The following COL24A1 variants were observed in gnomAD, a reference collection of about 807,000 sequenced individuals.
COL24A1 encodes the protein collagen alpha-1(XXIV) chain.
Under a neutral mutation model 253.9 loss-of-function variants are expected in COL24A1, and 224 were observed. The ratio of observed to expected loss-of-function variants is 0.88; its 90% confidence interval spans 0.79 to 0.99. The LOEUF is 0.99. Ranked by LOEUF, COL24A1 falls within the 50% of genes least tolerant of loss-of-function variation. The pLI, the probability that COL24A1 is intolerant of heterozygous loss-of-function variation, is 0.00. For missense variants in COL24A1, 2,131 were observed against 2,068.5 expected (o/e 1.03, Z -0.59); for synonymous variants, 685 against 673.7 (o/e 1.02, Z -0.26).
At chr1:86,101,303 T>C (rs1028339344) in intron 5 of COL24A1, among the ~76,000 whole-genome samples, 1 of 152,216 alleles carries the variant, frequency 6.6e-6, no homozygotes, top group Non-Finnish European at 1.5e-5. Flanking sequence ...TATGGGGTTT[T>C]CTAGGTATAG....
Position 86,108,480 on chromosome 1 carries a change from CTTA to C in COL24A1, c.1599+4084_1599+4086del, listed in dbSNP as rs1705206386. Among the ~76,000 whole-genome samples, 5 of 151,808 alleles carry C rather than the reference CTTA, an allele frequency of 3.3e-5. No homozygotes were observed. In the South Asian group the frequency reaches 1.0e-3, roughly 32 times the overall value. ...CTTCTATTCTGAAACAGCAACAGAGCTTATTAAGAAAGGACTCTCGGGCTGGTC... is the reference window on the plus strand; with the variant it reads ...CTTCTATTCTGAAACAGCAACAGAGCTTAAGAAAGGACTCTCGGGCTGGTC... On this transcript the variant is annotated intron_variant, in intron 5 of 59. Coordinates refer to ENST00000370571, the MANE Select transcript of COL24A1 (RefSeq NM_152890.7).
At chr1:85,955,848 C>T (rs1690406571) in intron 24 of COL24A1, among the ~76,000 whole-genome samples, 1 of 152,220 alleles carries the variant, frequency 6.6e-6, no homozygotes, top group Admixed American at 6.5e-5. Flanking sequence ...AAAGTCTTTC[C>T]TATTTCTATC....
chr1:85,896,127 GC>G, intron 29 of COL24A1, 62 bp from the exon 30 acceptor site: 1 of 1,479,496 alleles, frequency 6.8e-7, no homozygotes, highest in Non-Finnish European at 9.3e-7. Context: ...TACTATGCTA[GC>G]ATATGCTAGC....
intron 20 of COL24A1, among the ~76,000 whole-genome samples, chr1:85,977,149 AG>A (rs1006884992): frequency 2.6e-5 from 4 of 152,348 alleles, no homozygotes; most frequent in Admixed American, 2.0e-4. Context: ...GCTCTCAGGA[AG>A]CCCCATTCCT....
intron 50 of COL24A1, 30 bp downstream of exon 50, chr1:85,784,083 A>G (rs749275547): frequency 1.9e-6 from 3 of 1,555,180 alleles, no homozygotes; most frequent in Non-Finnish European, 2.6e-6. Context: ...CTAGATAGCT[A>G]GAAGACTAGA....
chr1:85,784,318 GAC>G lies in COL24A1; in HGVS notation c.4106_4107del (p.Gly1369AlafsTer7), dbSNP rs1669448038. The G allele has an allele frequency of 1.2e-6, 2 of 1,614,046 alleles. No individual in the cohort carries two copies. Among genetic ancestry groups the G allele is most frequent in the South Asian group, 2.2e-5 (2 of 91,080 alleles). On this transcript the variant is annotated frameshift_variant, in exon 49 of 60. Transcript: ENST00000370571. LOFTEE classifies it high-confidence loss of function. ...PGQPGIQGKR[G>X]HRGAQGDQGP... ...CCTTGATCACCTTGTGCTCCTCGGTGACCTCTTTTACCTTGAATTCCAGGTTG... is the reference window on the plus strand; with the variant it reads ...CCTTGATCACCTTGTGCTCCTCGGTGCTCTTTTACCTTGAATTCCAGGTTG...
chr1:85,977,912 C>G (rs1219362897), intron 20 of COL24A1, among the ~76,000 whole-genome samples: 1 of 152,112 alleles, frequency 6.6e-6, no homozygotes, highest in African/African-American at 2.4e-5. Context: ...AGATCACCAC[C>G]TAGGCACACA....
intron 53 of COL24A1, among the ~76,000 whole-genome samples, chr1:85,768,846 C>A (rs1667657031): frequency 6.6e-6 from 1 of 152,070 alleles, no homozygotes. Context: ...TTAACTTTGT[C>A]ACTAAGTTTT....
intron 53 of COL24A1, among the ~76,000 whole-genome samples, chr1:85,765,351 G>GTT (rs11436683): frequency 8.1e-4 from 78 of 95,872 alleles, no homozygotes; most frequent in Admixed American, 1.7e-3. Flanking sequence ...ATTGTTCTCT[G>GTT]TTTTTTTTTA....
At chr1:85,964,802 C>T (rs1033062348) in intron 23 of COL24A1, among the ~76,000 whole-genome samples, 2 of 152,020 alleles carry the variant, frequency 1.3e-5, no homozygotes, top group Admixed American at 1.3e-4. Flanking sequence ...ACTTCTGGTC[C>T]CATGCATTTC....
rs556656529 is a variant in COL24A1 at position 85,830,202 on chromosome 1, C to A, written c.3682-6464G>T. 6.4e-3 allele frequency among the ~76,000 whole-genome samples: 981 copies of A among 152,148 alleles called. 11 individuals are homozygous for A. Among genetic ancestry groups the A allele is most frequent in the African/African-American group, 0.023 (941 of 41,532 alleles). ...CGGCCGTGTGAGGTGTCAGTCTGCC[C>A]CTGCTGGGGGGTGCCTCCCAGTTAG... On this transcript the variant is annotated intron_variant, in intron 43 of 59. Transcript: ENST00000370571.
rs757269900 is a variant in COL24A1, at chr1:85,895,864, C to T, written c.2916G>A (p.Gly972=). The change falls in exon 31 of 60, where the codon GGG becomes GGA. Residue 972 remains glycine (G), a synonymous_variant. Coordinates refer to ENST00000370571, the MANE Select transcript of COL24A1 (RefSeq NM_152890.7). ...GATTTTTTAAATTACTTACTGGTTT[C>T]CCTTGAAATCCTCTTTCTCCAGGGT... is the stretch of plus-strand genomic sequence containing the variant. ...TGNPGERGFQ[G]KPGLQGLPGS... 17 of 1,606,922 alleles carry T rather than the reference C, an allele frequency of 1.1e-5. No homozygotes were observed. In the South Asian group the frequency reaches 1.6e-4, roughly 15 times the overall value.
intron 5 of COL24A1, among the ~76,000 whole-genome samples, chr1:86,096,270 AAT>A (rs1703885610): frequency 6.6e-6 from 1 of 152,176 alleles, no homozygotes; most frequent in Non-Finnish European, 1.5e-5. Context: ...GCAAAACTTT[AAT>A]AGAGAATAAT....
chr1:86,125,859 A>T lies in COL24A1; in HGVS notation c.477T>A (p.His159Gln). The T allele has an allele frequency of 6.2e-7, 1 of 1,613,352 alleles. No individual in the cohort carries two copies. Among genetic ancestry groups the T allele is most frequent in the African/African-American group, 1.3e-5 (1 of 74,992 alleles). The change falls in exon 3 of 60, where the codon CAT (histidine) becomes CAA (glutamine). Residue 159 changes from histidine to glutamine, a missense_variant. Transcript: ENST00000370571. ...TGGCAAATGAGTGCCATTGCTCATCATGAACACTGTAGTTGAAAACTGCAG... is the reference window on the plus strand; with the variant it reads ...TGGCAAATGAGTGCCATTGCTCATCTTGAACACTGTAGTTGAAAACTGCAG... ...KQPAVFNYSV[H>Q]DEQWHSFAIT...
intron 31 of COL24A1, among the ~76,000 whole-genome samples, chr1:85,892,043 T>C (rs1305101612): frequency 1.3e-5 from 2 of 152,144 alleles, no homozygotes; most frequent in Admixed American, 6.5e-5. Flanking sequence ...AGGAACATAA[T>C]AAATATCATT....
intron 37 of COL24A1, among the ~76,000 whole-genome samples, chr1:85,850,017 G>GA (rs1430066967): frequency 2.0e-5 from 3 of 151,994 alleles, no homozygotes; most frequent in Non-Finnish European, 4.4e-5. Context: ...TGATCTGTGG[G>GA]AAAAAAAGAA....
chr1:85,973,380 T>C (rs188307121), intron 20 of COL24A1, among the ~76,000 whole-genome samples: 4 of 152,210 alleles, frequency 2.6e-5, no homozygotes, highest in African/African-American at 9.6e-5. Context: ...ACATTAAGAG[T>C]TGTAACAGAA....
At chr1:85,761,326 G>T in intron 55 of COL24A1, 70 bp downstream of exon 55, 1 of 1,536,860 alleles carries the variant, frequency 6.5e-7, no homozygotes, top group Non-Finnish European at 8.9e-7. Context: ...AGAGTTAACA[G>T]AAGGATATTT....
At chr1:86,109,303 A>G (rs1383271620) in intron 5 of COL24A1, among the ~76,000 whole-genome samples, 1 of 125,184 alleles carries the variant, frequency 8.0e-6, no homozygotes, top group African/African-American at 3.0e-5. Flanking sequence ...GAACTCAAAA[A>G]AATTTTCAAC....
Sources: gnomAD v4.1 joint callset for allele counts (sites outside exome capture counted in the v4.1 genomes callset) on GRCh38, gnomAD v4.1.1 for gene constraint, MANE v1.5 for transcripts, NCBI Gene and HGNC (gene_info 2026-07-23, HGNC 2026-07-21) for gene names.